RMDN2: variants seen among roughly 807,000 people sequenced by gnomAD.
RMDN2 encodes regulator of microtubule dynamics protein 2.
A neutral mutation model predicts 52.8 loss-of-function variants in RMDN2; 61 were observed. That is an observed-to-expected ratio of 1.16 (90% CI 0.94 to 1.43). RMDN2 has a LOEUF of 1.43. RMDN2 is among the 40% of genes most tolerant of loss of function. The pLI, the probability that RMDN2 is intolerant of heterozygous loss-of-function variation, is 0.00. For missense variants in RMDN2, 592 were observed against 475.3 expected, an observed-to-expected ratio of 1.25 and a Z score of -2.28; for synonymous variants, 180 against 153.1, an observed-to-expected ratio of 1.18 and a Z score of -1.30.
chr2:38,001,503 G>C (rs1053189267), intron 8 of RMDN2, among the ~76,000 whole-genome samples: 1 of 152,184 alleles, frequency 6.6e-6, no homozygotes, highest in Non-Finnish European at 1.5e-5. Context: ...TTGGGCTTCA[G>C]ATTTTTAAAC....
At chr2:38,046,149 T>C (rs1681259354) in intron 10 of RMDN2, among the ~76,000 whole-genome samples, 1 of 152,222 alleles carries the variant, frequency 6.6e-6, no homozygotes, top group Admixed American at 6.5e-5. Flanking sequence ...GTTTTCCACA[T>C]GCACAGAGAA....
intron 10 of RMDN2, among the ~76,000 whole-genome samples, chr2:38,005,687 G>C (rs1676980624): frequency 6.6e-6 from 1 of 152,148 alleles, no homozygotes; most frequent in Non-Finnish European, 1.5e-5. Context: ...CTTTTGCTGT[G>C]CAGAAGCTCT....
chr2:37,971,669 C>T lies in RMDN2; in HGVS notation c.453-2371C>T, dbSNP rs150625009. Among the ~76,000 whole-genome samples the T allele has an allele frequency of 9.1e-4, 138 of 152,194 alleles. 6 individuals carry two copies. In the East Asian group the frequency reaches 0.023, roughly 25 times the overall value. ...CTCCCATGTACCACATTTTCATATG[C>T]ATGTGGGTCTGTTTCTAGGCTCTGT... On this transcript the variant is annotated intron_variant, in intron 2 of 10. Coordinates refer to ENST00000354545, the MANE Select transcript of RMDN2 (RefSeq NM_001170791.3).
intron 10 of RMDN2, among the ~76,000 whole-genome samples, chr2:38,008,361 A>C (rs541351252): frequency 1.3e-5 from 2 of 152,268 alleles, no homozygotes; most frequent in South Asian, 4.2e-4. Flanking sequence ...GTAAGTCACT[A>C]AGGACTTGTT....
chr2:37,997,539 T>C (rs1675728755), intron 8 of RMDN2, 25 bp downstream of exon 8: 1 of 1,440,998 alleles, frequency 6.9e-7, no homozygotes, highest in Non-Finnish European at 9.8e-7. Context: ...TCCATTATTT[T>C]AGTGTCAGAC....
chr2:37,930,467 G>A (rs1375238956), intron 2 of RMDN2, among the ~76,000 whole-genome samples: 3 of 152,086 alleles, frequency 2.0e-5, no homozygotes, highest in African/African-American at 7.2e-5. Context: ...CTTGCAAAAT[G>A]CCTGACATGA....
intron 7 of RMDN2, among the ~76,000 whole-genome samples, chr2:37,991,794 G>C (rs1347307467): frequency 1.3e-5 from 2 of 152,096 alleles, no homozygotes; most frequent in Non-Finnish European, 2.9e-5. Context: ...AACACTCCTT[G>C]CTTTTAAGGA....
At chr2:37,932,682 G>A (rs1173275115) in intron 2 of RMDN2, among the ~76,000 whole-genome samples, 2 of 143,370 alleles carry the variant, frequency 1.4e-5, no homozygotes, top group African/African-American at 2.6e-5. Context: ...CTGGCCGGGC[G>A]GGGGGCTGAC....
At chr2:37,971,974 C>T (rs575905389) in intron 2 of RMDN2, among the ~76,000 whole-genome samples, 95 of 152,242 alleles carry the variant, frequency 6.2e-4, no homozygotes, top group Admixed American at 2.6e-3. Flanking sequence ...TCTTCTAAAC[C>T]ATGAACGTGA....
chr2:37,953,852 C>T (rs1669138168), intron 2 of RMDN2, among the ~76,000 whole-genome samples: 1 of 151,954 alleles, frequency 6.6e-6, no homozygotes, highest in African/African-American at 2.4e-5. Flanking sequence ...CTTGCCAACA[C>T]TTATTATTTT....
Position 37,975,040 on chromosome 2 carries a change from A to T in RMDN2, c.628-172A>T, listed in dbSNP as rs182919783. ...CTACATTAGGTCATATTTCTTAGCCATGAGTATTTGGATTAAAAATGTTTC... is the reference window on the plus strand; with the variant it reads ...CTACATTAGGTCATATTTCTTAGCCTTGAGTATTTGGATTAAAAATGTTTC... On this transcript the variant is annotated intron_variant, in intron 3 of 10. Transcript: ENST00000354545. 8.2e-6 allele frequency: 5 copies of T among 606,606 alleles called. No homozygotes were observed. The African/African-American group carries it at 9.4e-5, about 11-fold the overall frequency. The allele number at this position is 606,606 out of a possible 1,614,324, so 37.6% of individuals were successfully genotyped here. A position where few individuals can be genotyped will look rare whatever the true frequency, so the allele number is the denominator to read the frequency against.
chr2:37,925,633 C>T (rs1022808256), intron 1 of RMDN2, among the ~76,000 whole-genome samples: 1 of 152,362 alleles, frequency 6.6e-6, no homozygotes, highest in East Asian at 1.9e-4. Context: ...GGGTTCATCC[C>T]TCGCTGACCC....
chr2:37,996,447 A>G (rs748909040), intron 7 of RMDN2, among the ~76,000 whole-genome samples: 7 of 151,908 alleles, frequency 4.6e-5, no homozygotes, highest in Admixed American at 2.6e-4. Flanking sequence ...TTAATTGAGC[A>G]TGTGATGCAC....
intron 2 of RMDN2, among the ~76,000 whole-genome samples, chr2:37,970,196 G>A (rs1304791552): frequency 1.3e-5 from 2 of 152,062 alleles, no homozygotes; most frequent in Non-Finnish European, 2.9e-5. Context: ...TGAAGTGCTG[G>A]GAATATACCG....
chr2:38,024,212 C>T (rs988184422), intron 10 of RMDN2, among the ~76,000 whole-genome samples: 3 of 152,076 alleles, frequency 2.0e-5, no homozygotes, highest in African/African-American at 4.8e-5. Flanking sequence ...GGCCTGTTTC[C>T]AGTATTTGAT....
intron 10 of RMDN2, among the ~76,000 whole-genome samples, chr2:38,043,221 T>G (rs1681073159): frequency 6.6e-6 from 1 of 152,208 alleles, no homozygotes; most frequent in Non-Finnish European, 1.5e-5. Context: ...CTTGGAGAAT[T>G]GTCCCCTTTA....
chr2:37,996,372 C>G (rs1037609948), intron 7 of RMDN2, among the ~76,000 whole-genome samples: 2 of 151,912 alleles, frequency 1.3e-5, no homozygotes, highest in Non-Finnish European at 2.9e-5. Flanking sequence ...ATCTCTTGAG[C>G]CCAGGAGTTC....
At chr2:37,948,117 C>G (rs1269483118) in intron 2 of RMDN2, among the ~76,000 whole-genome samples, 1 of 152,206 alleles carries the variant, frequency 6.6e-6, no homozygotes, top group East Asian at 1.9e-4. Context: ...GGACCAGCAA[C>G]ATCAGCATCC....
chr2:37,936,319 G>A (rs1168389160), intron 2 of RMDN2, among the ~76,000 whole-genome samples: 1 of 152,184 alleles, frequency 6.6e-6, no homozygotes, highest in African/African-American at 2.4e-5. Context: ...TTGGTTCCAA[G>A]TCTTTGCTAT....
Sources: gnomAD v4.1 joint callset for allele counts (sites outside exome capture counted in the v4.1 genomes callset) on GRCh38, gnomAD v4.1.1 for gene constraint, MANE v1.5 for transcripts, NCBI Gene and HGNC (gene_info 2026-07-23, HGNC 2026-07-21) for gene names.